Variants in NFIB observed in about 807,000 individuals in gnomAD.
NFIB encodes the protein nuclear factor 1 B-type.
NFIB carries 11 observed loss-of-function variants against 61.5 expected under a neutral mutation model. That is an observed-to-expected ratio of 0.18 (90% CI 0.11 to 0.30). NFIB has a LOEUF of 0.30. Ranked by LOEUF, NFIB falls within the 10% of genes least tolerant of loss-of-function variation. The pLI, the probability that NFIB is intolerant of heterozygous loss-of-function variation, is 1.00. For missense variants in NFIB, 471 were observed against 608.9 expected (o/e 0.77, Z 2.38); for synonymous variants, 260 against 216.5 (o/e 1.20, Z -1.76).
At chr9:14,389,088 GT>G (rs1355525130) in intron 1 of NFIB, among the ~76,000 whole-genome samples, 1 of 152,148 alleles carries the variant, frequency 6.6e-6, no homozygotes, top group African/African-American at 2.4e-5. Context: ...GATCGCAAAG[GT>G]TTCTTTCAAA....
intron 1 of NFIB, among the ~76,000 whole-genome samples, chr9:14,397,529 C>A (rs2061698786): frequency 6.6e-6 from 1 of 151,370 alleles, no homozygotes; most frequent in Admixed American, 6.6e-5. Context: ...ATCCCTTTAT[C>A]CCCCCCAAAA....
chr9:14,313,625 C>G lies in NFIB; in HGVS notation c.-114G>C, dbSNP rs1246908212. On this transcript the variant is annotated 5_prime_UTR_variant, in exon 1 of 11. Coordinates refer to ENST00000380953, the MANE Select transcript of NFIB (RefSeq NM_001190737.2). This position sits in a 1 kb window ranked among gnomAD's most constrained non-coding sequence, Gnocchi z 4.5. ...AGCCCCGCGATGCGATCAATCAGGA[C>G]GGGGCTCTGCGCTGGATCACCGCAA... The G allele has an allele frequency of 2.5e-6, 4 of 1,583,270 alleles. No individual in the cohort carries two copies. The highest frequency in any genetic ancestry group is 2.3e-5 in the East Asian group (1 of 43,928).
intron 2 of NFIB, among the ~76,000 whole-genome samples, chr9:14,249,984 T>A (rs1419691258): frequency 6.6e-6 from 1 of 152,138 alleles, no homozygotes; most frequent in Non-Finnish European, 1.5e-5. Flanking sequence ...GGAACAAACA[T>A]GATAAAAAGT....
At chr9:14,191,101 G>C (rs1362086990) in intron 2 of NFIB, among the ~76,000 whole-genome samples, 3 of 152,128 alleles carry the variant, frequency 2.0e-5, no homozygotes, top group African/African-American at 7.2e-5. Context: ...GCTGAAGTGG[G>C]AGGATCACCT....
At chr9:14,136,722 T>C (rs754830107) in intron 6 of NFIB, among the ~76,000 whole-genome samples, 1 of 152,174 alleles carries the variant, frequency 6.6e-6, no homozygotes, top group Non-Finnish European at 1.5e-5. Context: ...ATAAAATCAT[T>C]ACACTGAGGT....
At chr9:14,107,239 C>A (rs747475322) in intron 10 of NFIB, among the ~76,000 whole-genome samples, 7 of 151,620 alleles carry the variant, frequency 4.6e-5, no homozygotes, top group Admixed American at 2.0e-4. Context: ...TAGCATGTAA[C>A]CTCTGAAGGA....
intron 2 of NFIB, among the ~76,000 whole-genome samples, chr9:14,229,952 C>T (rs772286372): frequency 2.6e-5 from 4 of 152,168 alleles, no homozygotes; most frequent in Non-Finnish European, 5.9e-5. Flanking sequence ...AGGCATATGC[C>T]ACCATGTCCG....
At chr9:14,304,031 T>C (rs889506512) in intron 2 of NFIB, among the ~76,000 whole-genome samples, 2 of 152,208 alleles carry the variant, frequency 1.3e-5, no homozygotes, top group African/African-American at 4.8e-5. Context: ...AGTAGCCGAA[T>C]AACAAAGAGA....
chr9:14,388,449 AAAAAAGAGAGAAAG>A (rs1198490024), intron 1 of NFIB, among the ~76,000 whole-genome samples: 1 of 143,326 alleles, frequency 7.0e-6, no homozygotes. Flanking sequence ...AGAGAGGGAG[AAAAAAGAGAGAAAG>A]AAAAAGAGAG....
intron 1 of NFIB, among the ~76,000 whole-genome samples, chr9:14,358,448 G>C (rs149982616): frequency 5.1e-4 from 78 of 152,280 alleles, no homozygotes; most frequent in African/African-American, 1.7e-3. Flanking sequence ...CATAGGAGGA[G>C]AGAGTCTGAT....
At chr9:14,319,123 C>A (rs1355697642), upstream of NFIB, among the ~76,000 whole-genome samples, 1 of 147,672 alleles carries the variant, frequency 6.8e-6, no homozygotes, top group African/African-American at 2.5e-5. Flanking sequence ...CCCCTGAGGA[C>A]AAAAGTAAAT....
the NFIB span, among the ~76,000 whole-genome samples, chr9:14,482,375 C>T: frequency 6.6e-6 from 1 of 152,060 alleles, no homozygotes; most frequent in Non-Finnish European, 1.5e-5. Context: ...GTGTTATGTC[C>T]CCTCCTCCTC....
intron 2 of NFIB, among the ~76,000 whole-genome samples, chr9:14,286,481 T>C (rs1466789542): frequency 6.6e-6 from 1 of 152,240 alleles, no homozygotes; most frequent in Non-Finnish European, 1.5e-5. Context: ...GAGAAAATTA[T>C]ACTTGTTCAT....
chr9:14,434,883 T>C, the NFIB span, among the ~76,000 whole-genome samples: 38,315 of 152,032 alleles, frequency 0.25, 5,084 homozygotes, highest in East Asian at 0.36. Flanking sequence ...AGAGAGGACC[T>C]GGGAACAGCT....
At chr9:14,343,166 C>T (rs780299482) in intron 1 of NFIB, among the ~76,000 whole-genome samples, 4 of 152,250 alleles carry the variant, frequency 2.6e-5, no homozygotes, top group African/African-American at 7.2e-5. Flanking sequence ...GTTTTTCCCA[C>T]AATCTTCTGA....
chr9:14,279,446 C>A (rs1367237747), intron 2 of NFIB, among the ~76,000 whole-genome samples: 1 of 152,058 alleles, frequency 6.6e-6, no homozygotes, highest in East Asian at 1.9e-4. Context: ...CTTATTAAAT[C>A]CTCATCAAAA....
chr9:14,391,117 T>G (rs1300886493), intron 1 of NFIB, among the ~76,000 whole-genome samples: 1 of 152,224 alleles, frequency 6.6e-6, no homozygotes, highest in African/African-American at 2.4e-5. Context: ...TTAGACATTT[T>G]CTTTTAAAGA....
chr9:14,487,252 A>T, the NFIB span, among the ~76,000 whole-genome samples: 1 of 152,368 alleles, frequency 6.6e-6, no homozygotes, highest in South Asian at 2.1e-4. Context: ...TTTAAGAAAT[A>T]AATGGTTACG....
At chr9:14,428,834 A>G in the NFIB span, among the ~76,000 whole-genome samples, 55,159 of 152,008 alleles carry the variant, frequency 0.36, 11,029 homozygotes, top group Admixed American at 0.52. Context: ...CCTTCAGAAA[A>G]CAGAGACGTC....
Sources: gnomAD v4.1 joint callset for allele counts (sites outside exome capture counted in the v4.1 genomes callset) on GRCh38, gnomAD v4.1.1 for gene constraint, Gnocchi (gnomAD v3.1) non-coding constraint, MANE v1.5 for transcripts, NCBI Gene and HGNC (gene_info 2026-07-23, HGNC 2026-07-21) for gene names.